PRKCH: variants seen among roughly 807,000 people sequenced by gnomAD.
PRKCH encodes protein kinase C eta, also known as protein kinase C eta type.
PRKCH carries 28 observed loss-of-function variants against 82.5 expected under a neutral mutation model. The observed-to-expected ratio is 0.34, with a 90% CI of 0.25 to 0.47. The LOEUF is 0.47. Among genes scored for constraint, PRKCH ranks in the 20% least tolerant of loss-of-function variants. The probability of loss-of-function intolerance (pLI) is 1.00; values close to 1 mark genes in which losing one functional copy is unlikely to be tolerated. For synonymous variants in PRKCH, 322 were observed against 327.4 expected (o/e 0.98, Z 0.18); for missense variants, 705 against 881.8 (o/e 0.80, Z 2.54).
chr14:61,423,303 C>T (rs775079359), intron 2 of PRKCH, among the ~76,000 whole-genome samples: 21 of 152,268 alleles, frequency 1.4e-4, no homozygotes, highest in Non-Finnish European at 2.2e-4. Flanking sequence ...ACACTCATTA[C>T]GACAGACCCT....
intron 1 of PRKCH, among the ~76,000 whole-genome samples, chr14:61,235,883 C>G (rs2044783632): frequency 6.6e-6 from 1 of 152,110 alleles, no homozygotes; most frequent in Non-Finnish European, 1.5e-5. Context: ...GGAGTGTAAA[C>G]TAAAAATAAA....
intron 7 of PRKCH, 137 bp downstream of exon 7, chr14:61,453,490 TTCTTTC>T (rs1335611773): frequency 1.3e-6 from 1 of 793,444 alleles, no homozygotes; most frequent in Non-Finnish European, 1.8e-6. Context: ...CTTTCTTTCT[TTCTTTC>T]TCTTTCTTTC....
At chr14:61,256,648 C>T (rs1190962477) in intron 1 of PRKCH, among the ~76,000 whole-genome samples, 6 of 152,088 alleles carry the variant, frequency 3.9e-5, no homozygotes, top group Non-Finnish European at 8.8e-5. Flanking sequence ...TAAAAATATC[C>T]CTAGACTCTG....
At chr14:61,332,927 G>A (rs2140129128) in intron 1 of PRKCH, among the ~76,000 whole-genome samples, 1 of 152,280 alleles carries the variant, frequency 6.6e-6, no homozygotes, top group South Asian at 2.1e-4. Flanking sequence ...GGTCCTTCCG[G>A]TGTCAGAGTT....
chr14:61,529,283 G>T (rs2043013127), intron 11 of PRKCH, 70 bp downstream of exon 11: 1 of 1,523,052 alleles, frequency 6.6e-7, no homozygotes, highest in South Asian at 1.3e-5. Flanking sequence ...AATGCCACTG[G>T]CTGCTTTTAT....
intron 10 of PRKCH, among the ~76,000 whole-genome samples, chr14:61,493,323 C>T (rs967665036): frequency 6.6e-6 from 1 of 152,180 alleles, no homozygotes; most frequent in Non-Finnish European, 1.5e-5. Context: ...ACGTCCTTGT[C>T]TAAATGGTTG....
chr14:61,311,452 C>A (rs773094844), intron 1 of PRKCH, among the ~76,000 whole-genome samples: 2 of 152,222 alleles, frequency 1.3e-5, no homozygotes, highest in Non-Finnish European at 2.9e-5. Context: ...CATATCACTA[C>A]CAGCATTTTG....
chr14:61,504,274 C>T (rs1163753348), intron 10 of PRKCH, among the ~76,000 whole-genome samples: 1 of 152,022 alleles, frequency 6.6e-6, no homozygotes, highest in Non-Finnish European at 1.5e-5. Context: ...CTGCAACCTC[C>T]ACCTCCTGGG....
At chr14:61,483,898 G>A (rs746416455) in intron 9 of PRKCH, among the ~76,000 whole-genome samples, 1 of 152,100 alleles carries the variant, frequency 6.6e-6, no homozygotes, top group South Asian at 2.1e-4. Flanking sequence ...AATCAAAGCC[G>A]GGTGTGGTGG....
At chr14:61,386,315 C>A (rs1461258025) in intron 1 of PRKCH, among the ~76,000 whole-genome samples, 1 of 152,138 alleles carries the variant, frequency 6.6e-6, no homozygotes, top group Non-Finnish European at 1.5e-5. Context: ...CTGACGGTTT[C>A]TAAGTTAGGA....
intron 2 of PRKCH, among the ~76,000 whole-genome samples, chr14:61,413,445 A>T (rs1333308487): frequency 5.8e-5 from 7 of 119,716 alleles, no homozygotes; most frequent in African/African-American, 1.9e-4. Context: ...CCTATATTCT[A>T]AGCAAGTGGC....
chr14:61,226,507 A>G lies in PRKCH; in HGVS notation c.-19+38839A>G, dbSNP rs371449298. Among the ~76,000 whole-genome samples, 99 of 152,194 alleles carry G rather than the reference A, an allele frequency of 6.5e-4. 1 individual carries two copies. The highest frequency in any genetic ancestry group is 3.4e-4 in the Non-Finnish European group (23 of 68,046). On this transcript the variant is annotated intron_variant, in intron 1 of 3. Coordinates refer to the PRKCH transcript ENST00000555185. ...CTTGATGTGGGTTTGTGATATTTCA[A>G]TTGGCTTATACCAGGCGAGGGTGAC... is the stretch of plus-strand genomic sequence containing the variant.
intron 10 of PRKCH, among the ~76,000 whole-genome samples, chr14:61,494,712 C>CCATAGG (rs1318310456): frequency 6.6e-6 from 1 of 152,192 alleles, no homozygotes; most frequent in Non-Finnish European, 1.5e-5. Context: ...TTCTTGGTAT[C>CCATAGG]CATAGGCATA....
At chr14:61,446,238 CAT>C (rs1285178930) in intron 4 of PRKCH, among the ~76,000 whole-genome samples, 4 of 150,408 alleles carry the variant, frequency 2.7e-5, no homozygotes, top group South Asian at 4.2e-4. Context: ...TAAGTTACTA[CAT>C]GTTATATTTA....
At chr14:61,502,304 G>A (rs952931291) in intron 10 of PRKCH, among the ~76,000 whole-genome samples, 1 of 151,822 alleles carries the variant, frequency 6.6e-6, no homozygotes, top group Non-Finnish European at 1.5e-5. Flanking sequence ...CTCGTGATCC[G>A]CACACCCCAG....
At chr14:61,353,295 A>G (rs1001015740) in intron 1 of PRKCH, among the ~76,000 whole-genome samples, 2 of 152,212 alleles carry the variant, frequency 1.3e-5, no homozygotes, top group Non-Finnish European at 2.9e-5. Context: ...GTAAGCATGT[A>G]TAATTTTATA....
chr14:61,345,608 C>T (rs142109355), intron 1 of PRKCH, among the ~76,000 whole-genome samples: 107 of 152,320 alleles, frequency 7.0e-4, no homozygotes, highest in Non-Finnish European at 1.4e-3. Flanking sequence ...ATAGGAGATA[C>T]ACAATAAGGA....
Position 61,300,560 on chromosome 14 carries a change from A to T in PRKCH, c.-19+112892A>T, listed in dbSNP as rs552950457. Among the ~76,000 whole-genome samples the T allele has an allele frequency of 6.6e-5, 10 of 152,340 alleles. No homozygotes were observed. In the South Asian group the frequency reaches 1.0e-3, roughly 16 times the overall value. ...GGAGATGTATACTGGGAGACAAGGG[A>T]ACAGAGGGAGAATTTAAATCGTCAT... On this transcript the variant is annotated intron_variant, in intron 1 of 3. Transcript: ENST00000555185.
chr14:61,263,863 G>C (rs879867467), intron 1 of PRKCH, among the ~76,000 whole-genome samples: 1 of 33,752 alleles, frequency 3.0e-5, no homozygotes, highest in African/African-American at 6.2e-5. Flanking sequence ...GTGTGTGTGT[G>C]TGTGTGTGTG....
Sources: gnomAD v4.1 joint callset for allele counts (sites outside exome capture counted in the v4.1 genomes callset) on GRCh38, gnomAD v4.1.1 for gene constraint, MANE v1.5 for transcripts, NCBI Gene and HGNC (gene_info 2026-07-23, HGNC 2026-07-21) for gene names.